The following ZFR variants were observed in gnomAD, a reference collection of about 807,000 sequenced individuals.
ZFR encodes the protein zinc finger RNA binding protein, also known as zinc finger RNA-binding protein.
ZFR carries 19 observed loss-of-function variants against 130.7 expected under a neutral mutation model. The ratio of observed to expected loss-of-function variants is 0.15; its 90% CI spans 0.10 to 0.21. The LOEUF (loss-of-function observed/expected upper bound fraction) is 0.21. ZFR is among the 10% of genes least tolerant of loss of function. The pLI is 1.00. For missense variants in ZFR, 872 were observed against 1,321.5 expected (o/e 0.66, Z 5.27); for synonymous variants, 466 against 456.9 (o/e 1.02, Z -0.25).
rs375049940 is a variant in ZFR at position 32,387,580 on chromosome 5, C to T, written c.2468G>A (p.Arg823His). Residue 823 changes from arginine to histidine, a missense_variant, in exon 14 of 20, where the codon CGT becomes CAT. By Grantham distance (29) the Arg-to-His change is conservative (BLOSUM62 0). Transcript: ENST00000265069. Reference protein sequence around the residue: ...SEKPSKTLLSRIAENLPKQLA... With the variant: ...SEKPSKTLLSHIAENLPKQLA... ...CTGTTTGGGTAGGTTTTCTGCAATA[C>T]GGCTTAATAATGTCTTTGAAGGTTT... 41 of 1,612,892 alleles carry T rather than the reference C, an allele frequency of 2.5e-5. No individual in the cohort carries two copies. In the Middle Eastern group the frequency reaches 6.6e-4, roughly 26 times the overall value.
intron 17 of ZFR, among the ~76,000 whole-genome samples, chr5:32,366,014 T>C (rs946912850): frequency 7.2e-5 from 11 of 152,292 alleles, no homozygotes; most frequent in South Asian, 6.2e-4. Context: ...TGCATGTGTA[T>C]GGAATATTTT....
At chr5:32,359,305 GATTTT>G (rs1752379548) in intron 19 of ZFR, among the ~76,000 whole-genome samples, 2 of 139,382 alleles carry the variant, frequency 1.4e-5, no homozygotes, top group African/African-American at 6.2e-5. Flanking sequence ...ATTTTTTTGC[GATTTT>G]TTTTTTTCTT....
At chr5:32,363,006 C>T (rs1403093560) in intron 19 of ZFR, among the ~76,000 whole-genome samples, 3 of 152,146 alleles carry the variant, frequency 2.0e-5, no homozygotes, top group Admixed American at 6.5e-5. Context: ...ATAAAAACAG[C>T]GAATGCATAA....
chr5:32,367,974 A>G (rs1174980687), intron 17 of ZFR, among the ~76,000 whole-genome samples: 1 of 152,190 alleles, frequency 6.6e-6, no homozygotes, highest in Non-Finnish European at 1.5e-5. Context: ...AAATCAAAAT[A>G]ATGCTTTTTT....
At chr5:32,365,000 T>C (rs1302575486) in intron 17 of ZFR, 1 of 152,194 alleles carries the variant, frequency 6.6e-6, no homozygotes, top group East Asian at 1.9e-4. Context: ...TCATTCTCCA[T>C]TCTCCCTTTC....
intron 8 of ZFR, among the ~76,000 whole-genome samples, chr5:32,401,044 A>C (rs542063861): frequency 6.6e-6 from 1 of 152,248 alleles, no homozygotes; most frequent in Admixed American, 6.5e-5. Flanking sequence ...TTATTGTTCT[A>C]AACTGAAAGT....
At chr5:32,404,662 A>G (rs1753539024) in intron 6 of ZFR, among the ~76,000 whole-genome samples, 1 of 152,252 alleles carries the variant, frequency 6.6e-6, no homozygotes, top group Non-Finnish European at 1.5e-5. Flanking sequence ...TATACTTGCA[A>G]GCAAAAATAG....
intron 2 of ZFR, among the ~76,000 whole-genome samples, chr5:32,430,380 A>C (rs112523615): frequency 9.2e-5 from 14 of 152,184 alleles, no homozygotes; most frequent in African/African-American, 2.9e-4. Context: ...AAACTGGTGA[A>C]TGAGAAAATT....
At chr5:32,357,411 G>A (rs1752338955) in intron 19 of ZFR, among the ~76,000 whole-genome samples, 1 of 152,102 alleles carries the variant, frequency 6.6e-6, no homozygotes, top group Non-Finnish European at 1.5e-5. Flanking sequence ...GATCACAGGT[G>A]CATACCACCA....
intron 17 of ZFR, among the ~76,000 whole-genome samples, chr5:32,370,401 C>A (rs1752646246): frequency 6.6e-6 from 1 of 151,418 alleles, no homozygotes; most frequent in Admixed American, 6.6e-5. Flanking sequence ...CAGACATGGT[C>A]TTGCCCTGTC....
chr5:32,387,095 T>C (rs1166965373), intron 14 of ZFR, among the ~76,000 whole-genome samples: 1 of 152,042 alleles, frequency 6.6e-6, no homozygotes, highest in African/African-American at 2.4e-5. Context: ...ATATTCACAA[T>C]AAAACTGGGG....
intron 2 of ZFR, among the ~76,000 whole-genome samples, chr5:32,439,757 G>A (rs1006628529): frequency 1.6e-5 from 2 of 127,650 alleles, no homozygotes; most frequent in Non-Finnish European, 3.1e-5. Flanking sequence ...AGTGAGCTAT[G>A]ATCACCACTA....
rs1753529570 is a variant in ZFR, at chr5:32,404,186, T to C, written c.1033-89A>G. The stretch of plus-strand genomic sequence containing the variant: ...ATTCTCAAGAAATCTCTAATACTCA[T>C]CTAAAAATGAGACCAAAACAAACTT... On this transcript the variant is annotated intron_variant, in intron 6 of 19. Coordinates refer to ENST00000265069, the MANE Select transcript of ZFR (RefSeq NM_016107.5). 5 of 1,229,662 alleles carry C rather than the reference T, an allele frequency of 4.1e-6. No homozygotes were observed. The African/African-American group carries it at 4.5e-5, about 11-fold the overall frequency. 76.2% of individuals were successfully genotyped at this position (1,229,662 alleles called of 1,614,324 possible).
chr5:32,402,162 G>A (rs1429885698), intron 8 of ZFR, among the ~76,000 whole-genome samples: 1 of 152,062 alleles, frequency 6.6e-6, no homozygotes, highest in Non-Finnish European at 1.5e-5. Context: ...AATAGAGGCG[G>A]ACAGTGAGAC....
chr5:32,433,616 T>C (rs1754268314), intron 2 of ZFR, among the ~76,000 whole-genome samples: 1 of 152,268 alleles, frequency 6.6e-6, no homozygotes. Flanking sequence ...CCATCTTCTT[T>C]ACTCCCTACC....
chr5:32,391,272 T>A (rs996343754), intron 11 of ZFR, among the ~76,000 whole-genome samples: 2 of 152,154 alleles, frequency 1.3e-5, no homozygotes, highest in African/African-American at 4.8e-5. Context: ...ACATATAGCA[T>A]ATACAGGGTT....
rs891375002 is a variant in ZFR, at chr5:32,379,382, G to GGTTA, written c.2740-176_2740-173dup. 4.6e-6 allele frequency: 3 copies of GGTTA among 659,310 alleles called. No homozygotes were observed. The African/African-American group carries it at 5.5e-5, about 12-fold the overall frequency. 40.8% of individuals were successfully genotyped at this position (659,310 alleles called of 1,614,324 possible). A position where few individuals can be genotyped will look rare whatever the true frequency, so the allele number is the denominator to read the frequency against. ...CATTTACAGCAGTATTTTATGCCAG[G>GGTTA]GTTAGTATTTAAAAGCTGGTATTTA... On this transcript the variant is annotated intron_variant, in intron 16 of 19. Coordinates refer to ENST00000265069, the MANE Select transcript of ZFR (RefSeq NM_016107.5).
intron 6 of ZFR, among the ~76,000 whole-genome samples, chr5:32,405,951 C>T (rs901053913): frequency 1.3e-5 from 2 of 152,144 alleles, no homozygotes; most frequent in African/African-American, 4.8e-5. Flanking sequence ...AAACGTGTTA[C>T]ACAGGTAGGG....
chr5:32,360,020 G>C (rs989965421), intron 19 of ZFR, among the ~76,000 whole-genome samples: 1 of 151,786 alleles, frequency 6.6e-6, no homozygotes, highest in Non-Finnish European at 1.5e-5. Flanking sequence ...ACATGACCAT[G>C]TGTATGTAAG....
Sources: gnomAD v4.1 joint callset for allele counts (sites outside exome capture counted in the v4.1 genomes callset) on GRCh38, gnomAD v4.1.1 for gene constraint, MANE v1.5 for transcripts, NCBI Gene and HGNC (gene_info 2026-07-23, HGNC 2026-07-21) for gene names.